Variants in ADAMTS16 observed in about 807,000 individuals in gnomAD.
The protein encoded by ADAMTS16 is A disintegrin and metalloproteinase with thrombospondin motifs 16.
Under a neutral mutation model 145.8 loss-of-function variants are expected in ADAMTS16, and 94 were observed. The ratio of observed to expected loss-of-function variants is 0.64; its 90% CI spans 0.55 to 0.77. The LOEUF (loss-of-function observed/expected upper bound fraction) is 0.77. Ranked by LOEUF, ADAMTS16 falls within the 30% of genes least tolerant of loss-of-function variation. The pLI is 0.00. For missense variants in ADAMTS16, 1,585 were observed against 1,591.5 expected, an observed-to-expected ratio of 1.00 and a Z score of 0.07; for synonymous variants, 659 against 604.3, an observed-to-expected ratio of 1.09 and a Z score of -1.33.
At chr5:5,266,453 T>C (rs755958614) in intron 18 of ADAMTS16, among the ~76,000 whole-genome samples, 4 of 152,244 alleles carry the variant, frequency 2.6e-5, no homozygotes, top group African/African-American at 9.6e-5. Flanking sequence ...AACTAAGTCC[T>C]TTCCCTAGGA....
In ADAMTS16 at chr5:5,290,362, G is replaced by A. The variant is rs73041127; in HGVS notation, c.2790-12906G>A. Among the ~76,000 whole-genome samples the A allele has an allele frequency of 3.3e-3, 497 of 152,290 alleles. 4 individuals are homozygous for A. The highest frequency in any genetic ancestry group is 0.012 in the African/African-American group (481 of 41,564). On this transcript the variant is annotated intron_variant, in intron 18 of 22. Transcript: ENST00000274181. ...ACTTCTCCCCTGGGAATGTTAATAA[G>A]GTGTTGCCTAGGCCGGGCGTGGTGG...
At chr5:5,291,962 G>A (rs1367428236) in intron 18 of ADAMTS16, among the ~76,000 whole-genome samples, 2 of 152,190 alleles carry the variant, frequency 1.3e-5, no homozygotes, top group Non-Finnish European at 2.9e-5. Context: ...CAAATGTTTA[G>A]TATTTTGCAT....
chr5:5,163,944 C>G (rs553145990), intron 3 of ADAMTS16, among the ~76,000 whole-genome samples: 1 of 152,266 alleles, frequency 6.6e-6, no homozygotes, highest in South Asian at 2.1e-4. Context: ...GGAACTAGCC[C>G]TTTGTGATCC....
intron 20 of ADAMTS16, among the ~76,000 whole-genome samples, chr5:5,305,880 T>G (rs1740129956): frequency 6.6e-6 from 1 of 152,252 alleles, no homozygotes; most frequent in African/African-American, 2.4e-5. Context: ...TGCTCCTGTG[T>G]GTTCTCCCTG....
At chr5:5,251,210 A>G (rs901484055) in intron 17 of ADAMTS16, among the ~76,000 whole-genome samples, 1 of 152,154 alleles carries the variant, frequency 6.6e-6, no homozygotes, top group African/African-American at 2.4e-5. Flanking sequence ...ATCTTGGTGC[A>G]CCCATTCGGT....
At chr5:5,187,647 G>C in intron 5 of ADAMTS16, 78 bp from the exon 6 acceptor site, 1 of 905,242 alleles carries the variant, frequency 1.1e-6, no homozygotes, top group Non-Finnish European at 1.8e-6. Flanking sequence ...GAACAAGGGC[G>C]TTGGATTCTA....
chr5:5,189,545 T>C, intron 6 of ADAMTS16, among the ~76,000 whole-genome samples: 1 of 152,236 alleles, frequency 6.6e-6, no homozygotes, highest in East Asian at 1.9e-4. Context: ...GAAATCCCAC[T>C]TGCTTAACTT....
chr5:5,166,887 A>G (rs270177), intron 3 of ADAMTS16, among the ~76,000 whole-genome samples: 1 of 152,204 alleles, frequency 6.6e-6, no homozygotes, highest in African/African-American at 2.4e-5. Context: ...AGGTCCTTAC[A>G]GCATCTCTTC....
intron 3 of ADAMTS16, among the ~76,000 whole-genome samples, chr5:5,159,158 G>C (rs1180366645): frequency 6.6e-6 from 1 of 152,238 alleles, no homozygotes; most frequent in Non-Finnish European, 1.5e-5. Flanking sequence ...GACTGTGGAA[G>C]TCATTCTGCA....
intron 8 of ADAMTS16, among the ~76,000 whole-genome samples, chr5:5,194,935 A>T (rs1255804941): frequency 6.6e-6 from 1 of 152,192 alleles, no homozygotes; most frequent in African/African-American, 2.4e-5. Flanking sequence ...TTCGGAGGAC[A>T]TTATTTGGGA....
chr5:5,221,002 C>T (rs575442536), intron 10 of ADAMTS16, among the ~76,000 whole-genome samples: 13 of 152,108 alleles, frequency 8.5e-5, no homozygotes, highest in Non-Finnish European at 1.8e-4. Flanking sequence ...TACGCCCCAT[C>T]GGTCCAGGAG....
chr5:5,276,141 G>C (rs1246531361), intron 18 of ADAMTS16, among the ~76,000 whole-genome samples: 1 of 152,108 alleles, frequency 6.6e-6, no homozygotes, highest in African/African-American at 2.4e-5. Flanking sequence ...TTACAGGTGT[G>C]AGCCACAGTG....
At chr5:5,153,757 G>A (rs1214450781) in intron 3 of ADAMTS16, among the ~76,000 whole-genome samples, 1 of 152,162 alleles carries the variant, frequency 6.6e-6, no homozygotes, top group African/African-American at 2.4e-5. Context: ...TATATAATCT[G>A]TCGACTGCCA....
chr5:5,203,044 A>G (rs1026344993), intron 9 of ADAMTS16, among the ~76,000 whole-genome samples: 1 of 152,178 alleles, frequency 6.6e-6, no homozygotes, highest in African/African-American at 2.4e-5. Context: ...AAGTGTGCTG[A>G]TGTGTTTTTG....
At chr5:5,301,696 G>C (rs1739780646) in intron 18 of ADAMTS16, among the ~76,000 whole-genome samples, 1 of 152,150 alleles carries the variant, frequency 6.6e-6, no homozygotes, top group Non-Finnish European at 1.5e-5. Context: ...TTCAGTGTGG[G>C]GGCACAGGAT....
At chr5:5,141,545 A>G (rs1486978117) in intron 2 of ADAMTS16, among the ~76,000 whole-genome samples, 1 of 152,252 alleles carries the variant, frequency 6.6e-6, no homozygotes, top group African/African-American at 2.4e-5. Context: ...AACCCATCCA[A>G]TGACAGTTAA....
chr5:5,188,867 A>G (rs958118510), intron 6 of ADAMTS16, among the ~76,000 whole-genome samples: 2 of 152,078 alleles, frequency 1.3e-5, no homozygotes, highest in Admixed American at 6.6e-5. Context: ...TTCTCAGGTG[A>G]CAGGTTAATT....
intron 9 of ADAMTS16, among the ~76,000 whole-genome samples, chr5:5,206,988 G>A (rs766009876): frequency 3.3e-4 from 50 of 152,140 alleles, no homozygotes; most frequent in Non-Finnish European, 6.0e-4. Flanking sequence ...GTTAGGTATT[G>A]TCAGTCTTTG....
chr5:5,231,014 A>G (rs2913619), intron 11 of ADAMTS16, among the ~76,000 whole-genome samples: 113,430 of 152,080 alleles, frequency 0.75, 42,633 homozygotes, highest in African/African-American at 0.84. Context: ...AAAAGGGGGG[A>G]AAAGAAAACG....
Sources: gnomAD v4.1 joint callset for allele counts (sites outside exome capture counted in the v4.1 genomes callset) on GRCh38, gnomAD v4.1.1 for gene constraint, MANE v1.5 for transcripts, NCBI Gene and HGNC (gene_info 2026-07-23, HGNC 2026-07-21) for gene names.